Variants in OPCML observed in about 807,000 individuals in gnomAD.
OPCML encodes the protein opioid-binding protein/cell adhesion molecule.
Under a neutral mutation model 37.8 loss-of-function variants are expected in OPCML, and 13 were observed. The ratio of observed to expected loss-of-function variants is 0.34; its 90% CI spans 0.22 to 0.55. OPCML has a LOEUF of 0.55. OPCML is among the 20% of genes least tolerant of loss of function. The probability of loss-of-function intolerance (pLI) is 0.91; values close to 1 mark genes in which losing one functional copy is unlikely to be tolerated. For missense variants in OPCML, 341 were observed against 435.6 expected, an observed-to-expected ratio of 0.78 and a Z score of 1.93; for synonymous variants, 176 against 168.8, an observed-to-expected ratio of 1.04 and a Z score of -0.33.
intron 7 of OPCML, among the ~76,000 whole-genome samples, chr11:132,434,187 T>A (rs2096006127): frequency 1.3e-5 from 2 of 152,292 alleles, no homozygotes; most frequent in African/African-American, 4.8e-5. Context: ...GACTAAGGCA[T>A]GGGTGTTCCT....
chr11:132,451,289 A>G (rs907655750), intron 4 of OPCML, among the ~76,000 whole-genome samples: 3 of 151,092 alleles, frequency 2.0e-5, no homozygotes, highest in African/African-American at 4.9e-5. Flanking sequence ...GAACTCTTCT[A>G]TCATAGGAGT....
intron 2 of OPCML, among the ~76,000 whole-genome samples, chr11:132,770,765 A>G (rs1946609374): frequency 6.6e-6 from 1 of 152,176 alleles, no homozygotes; most frequent in Non-Finnish European, 1.5e-5. Flanking sequence ...TGAACTGGCA[A>G]CTGCAGAAAG....
chr11:132,776,170 C>A (rs1477535777), intron 2 of OPCML, among the ~76,000 whole-genome samples: 1 of 152,170 alleles, frequency 6.6e-6, no homozygotes, highest in African/African-American at 2.4e-5. Context: ...CTCAGGTGAT[C>A]CGCCAGCCTC....
chr11:132,919,017 G>C (rs1057072540), intron 2 of OPCML, among the ~76,000 whole-genome samples: 1 of 152,174 alleles, frequency 6.6e-6, no homozygotes, highest in Admixed American at 6.5e-5. Flanking sequence ...GGAAACATGA[G>C]ATGTGGCAAG....
chr11:132,478,551 T>A (rs549318410), intron 4 of OPCML, among the ~76,000 whole-genome samples: 1 of 152,274 alleles, frequency 6.6e-6, no homozygotes, highest in South Asian at 2.1e-4. Flanking sequence ...AACAGCAACA[T>A]TGGGGGAATA....
intron 1 of OPCML, among the ~76,000 whole-genome samples, chr11:132,959,360 C>A (rs10750519): frequency 0.73 from 111,513 of 152,182 alleles, 41,132 homozygotes; most frequent in East Asian, 0.91. Context: ...ATGGAAACTA[C>A]CCTCGGTGAA....
intron 1 of OPCML, among the ~76,000 whole-genome samples, chr11:133,318,270 C>T (rs942113104): frequency 5.3e-5 from 8 of 152,210 alleles, no homozygotes; most frequent in Non-Finnish European, 1.2e-4. Context: ...TCAGTCTGTG[C>T]ACTTCCTTGT....
At chr11:132,683,527 C>T (rs538336586) in intron 2 of OPCML, among the ~76,000 whole-genome samples, 2 of 152,286 alleles carry the variant, frequency 1.3e-5, no homozygotes, top group East Asian at 1.9e-4. Context: ...TATGACTTTT[C>T]GTAACTTAAA....
chr11:133,082,766 G>A (rs1948753254), intron 1 of OPCML, among the ~76,000 whole-genome samples: 1 of 146,420 alleles, frequency 6.8e-6, no homozygotes. Flanking sequence ...CGGACCCCAT[G>A]CGCGGCCTCC....
At chr11:132,860,256 C>T (rs1942244810) in intron 2 of OPCML, among the ~76,000 whole-genome samples, 1 of 152,198 alleles carries the variant, frequency 6.6e-6, no homozygotes, top group Non-Finnish European at 1.5e-5. Context: ...AACTTGCAGA[C>T]AGCCACACAC....
At chr11:132,514,150 T>A (rs7928057) in intron 4 of OPCML, among the ~76,000 whole-genome samples, 30,416 of 152,124 alleles carry the variant, frequency 0.2, 3,128 homozygotes, top group Non-Finnish European at 0.22. Context: ...GAAGACCTTT[T>A]TGAAAACCAA....
intron 2 of OPCML, among the ~76,000 whole-genome samples, chr11:132,684,971 T>G (rs1409263086): frequency 6.6e-6 from 1 of 152,260 alleles, no homozygotes; most frequent in Non-Finnish European, 1.5e-5. Flanking sequence ...AAAAGCTCTT[T>G]TATTAATCCA....
At chr11:133,500,614 C>T (rs1385252165) in intron 1 of OPCML, among the ~76,000 whole-genome samples, 2 of 152,160 alleles carry the variant, frequency 1.3e-5, no homozygotes, top group African/African-American at 2.4e-5. Flanking sequence ...GGAGACAAGG[C>T]GAGGTGCCCA....
At chr11:132,531,062 T>C (rs1025783985) in intron 3 of OPCML, among the ~76,000 whole-genome samples, 4 of 152,190 alleles carry the variant, frequency 2.6e-5, no homozygotes, top group Non-Finnish European at 5.9e-5. Flanking sequence ...TGGCAGTTTA[T>C]TGTCTTCTGA....
At chr11:132,822,110 C>G (rs1271210546) in intron 2 of OPCML, among the ~76,000 whole-genome samples, 1 of 152,156 alleles carries the variant, frequency 6.6e-6, no homozygotes, top group Non-Finnish European at 1.5e-5. Context: ...TGGCTCAGGG[C>G]AGTGACTGGA....
chr11:132,495,836 G>A (rs934828474), intron 4 of OPCML, among the ~76,000 whole-genome samples: 53 of 150,758 alleles, frequency 3.5e-4, no homozygotes, highest in African/African-American at 1.2e-3. Context: ...CAGAGCTTGC[G>A]CTGAGCCAAG....
chr11:132,611,717 A>G (rs1938650935), intron 3 of OPCML, among the ~76,000 whole-genome samples: 1 of 152,170 alleles, frequency 6.6e-6, no homozygotes, highest in Admixed American at 6.5e-5. Flanking sequence ...AAGCAGAAAA[A>G]TGATGTCAGT....
chr11:132,836,881 T>A (rs1179333282), intron 2 of OPCML, among the ~76,000 whole-genome samples: 2 of 151,924 alleles, frequency 1.3e-5, no homozygotes, highest in Non-Finnish European at 2.9e-5. Context: ...AAGGCAGATG[T>A]AGAGGTAGTT....
intron 7 of OPCML, among the ~76,000 whole-genome samples, chr11:132,423,517 ACT>A (rs2095967192): frequency 6.6e-6 from 1 of 152,190 alleles, no homozygotes; most frequent in Admixed American, 6.5e-5. Context: ...ATCTATGTAC[ACT>A]CTCTAGACTT....
Sources: allele counts gnomAD v4.1 joint callset (sites outside exome capture counted in the v4.1 genomes callset), GRCh38; gene constraint gnomAD v4.1.1; transcripts MANE v1.5; gene names NCBI Gene and HGNC (gene_info 2026-07-23, HGNC 2026-07-21).